KIFC3: variants seen among roughly 807,000 people sequenced by gnomAD.
KIFC3 encodes kinesin-like protein KIFC3.
In KIFC3, 60 loss-of-function variants were observed where a neutral mutation model predicts 101.8. The observed-to-expected ratio is 0.59, with a 90% CI of 0.48 to 0.73. The LOEUF (loss-of-function observed/expected upper bound fraction) is 0.73. Among genes scored for constraint, KIFC3 ranks in the 30% least tolerant of loss-of-function variants. The pLI is 0.00. For missense variants in KIFC3, 966 were observed against 1,137.1 expected (o/e 0.85, Z 2.16); for synonymous variants, 476 against 482.7 (o/e 0.99, Z 0.18).
intron 3 of KIFC3, chr16:57,774,947 C>T: frequency 5.3e-6 from 8 of 1,499,694 alleles, no homozygotes; most frequent in Non-Finnish European, 7.1e-6. Flanking sequence ...CCCAGAAAGG[C>T]TGCTGCCTCA....
intron 1 of KIFC3, among the ~76,000 whole-genome samples, chr16:57,858,504 G>A (rs1280122533): frequency 2.0e-5 from 3 of 152,152 alleles, no homozygotes; most frequent in Non-Finnish European, 2.9e-5. Context: ...TGCACCTCAT[G>A]ACAGTCAGTG....
intron 1 of KIFC3, among the ~76,000 whole-genome samples, chr16:57,829,455 A>C (rs1319879111): frequency 6.6e-6 from 1 of 151,972 alleles, no homozygotes; most frequent in African/African-American, 2.4e-5. Flanking sequence ...AGGTCTTGCT[A>C]TGTTGCCCAG....
rs782785523 is a variant in KIFC3 at position 57,771,218 on chromosome 16, C to T, written c.745G>A (p.Ala249Thr). ...CTCACCTTGACAGGTGGGGACTGGG[C>T]CCGCAGGCTGGCAATGGTCTCGTGG... ...DSHETIASLR[A>T]QSPPVKYVIK... is the part of the protein sequence containing the mutation. Residue 249 changes from alanine (A) to threonine (T), a missense_variant, in exon 6 of 20, where the codon GCC becomes ACC. Transcript: ENST00000445690. The T allele has an allele frequency of 1.7e-5, 27 of 1,612,738 alleles. No homozygotes were observed. Among genetic ancestry groups the T allele is most frequent in the Non-Finnish European group, 2.3e-5 (27 of 1,180,016 alleles).
intron 3 of KIFC3, chr16:57,777,004 T>C (rs1195402531): frequency 3.9e-5 from 6 of 152,204 alleles, no homozygotes; most frequent in African/African-American, 1.4e-4. Context: ...TTCAGCAAAG[T>C]TGAAGGATAC....
At chr16:57,810,066 G>A (rs547247277) in intron 1 of KIFC3, among the ~76,000 whole-genome samples, 4 of 152,196 alleles carry the variant, frequency 2.6e-5, no homozygotes, top group Admixed American at 6.5e-5. Context: ...TCAGTACCCC[G>A]CGGTCCAACA....
upstream of KIFC3, chr16:57,802,803 C>A: frequency 1.3e-6 from 1 of 779,392 alleles, no homozygotes; most frequent in South Asian, 1.6e-5. This position sits in a 1 kb window ranked among gnomAD's most constrained non-coding sequence, Gnocchi z 5.0. Context: ...ACGAGGCAGC[C>A]CACACAGCCC....
chr16:57,851,509 G>C (rs1297159419), intron 1 of KIFC3, among the ~76,000 whole-genome samples: 2 of 150,902 alleles, frequency 1.3e-5, no homozygotes, highest in Admixed American at 1.3e-4. Context: ...TTATTCAATA[G>C]CATTTCAAGA....
intron 9 of KIFC3, among the ~76,000 whole-genome samples, chr16:57,768,652 A>T (rs1023236873): frequency 2.0e-5 from 3 of 152,078 alleles, no homozygotes; most frequent in Non-Finnish European, 4.4e-5. Context: ...CCTGCTATGG[A>T]GTTTGACTTT....
intron 1 of KIFC3, chr16:57,815,580 C>A: frequency 7.8e-7 from 1 of 1,289,956 alleles, no homozygotes; most frequent in Non-Finnish European, 1.0e-6. Flanking sequence ...TCACCCTCAC[C>A]AGGGAGGCTG....
chr16:57,803,132 G>A, upstream of KIFC3: 1 of 1,120,980 alleles, frequency 8.9e-7, no homozygotes, highest in Non-Finnish European at 1.3e-6. Flanking sequence ...CCCAGCAAAT[G>A]AATATCTTCC....
At chr16:57,832,835 G>A (rs1230554244) in intron 1 of KIFC3, among the ~76,000 whole-genome samples, 4 of 152,074 alleles carry the variant, frequency 2.6e-5, no homozygotes, top group Non-Finnish European at 4.4e-5. Flanking sequence ...ACATCCCTAC[G>A]GATATTTAGG....
chr16:57,767,718 A>G (rs1297921728), intron 9 of KIFC3, among the ~76,000 whole-genome samples: 1 of 152,014 alleles, frequency 6.6e-6, no homozygotes, highest in Non-Finnish European at 1.5e-5. Context: ...TGTGGTGGAA[A>G]CTCATTGTGA....
chr16:57,847,110 G>A (rs2149321257), intron 1 of KIFC3, among the ~76,000 whole-genome samples: 1 of 151,634 alleles, frequency 6.6e-6, no homozygotes, highest in East Asian at 1.9e-4. Flanking sequence ...TCTTGAACAC[G>A]GGAGGCGGGG....
At chr16:57,799,833 G>A (rs1555624922) in intron 1 of KIFC3, among the ~76,000 whole-genome samples, 1 of 152,214 alleles carries the variant, frequency 6.6e-6, no homozygotes, top group Non-Finnish European at 1.5e-5. Flanking sequence ...GTGGGAAGGA[G>A]AGGTTGGTCA....
chr16:57,814,133 T>C (rs2055161181), intron 1 of KIFC3, among the ~76,000 whole-genome samples: 1 of 152,122 alleles, frequency 6.6e-6, no homozygotes, highest in Non-Finnish European at 1.5e-5. Flanking sequence ...GCAGCCGCCC[T>C]GCCCAGCCTT....
At chr16:57,828,388 G>T (rs746438086) in intron 1 of KIFC3, among the ~76,000 whole-genome samples, 5 of 152,246 alleles carry the variant, frequency 3.3e-5, no homozygotes, top group Non-Finnish European at 7.3e-5. Context: ...CTCTCTGGGT[G>T]CTGCACATGG....
intron 9 of KIFC3, 21 bp from the exon 10 acceptor site, chr16:57,767,006 C>T (rs2050564466): frequency 3.2e-6 from 5 of 1,567,306 alleles, no homozygotes; most frequent in Non-Finnish European, 4.4e-6. Context: ...GTGCACACCA[C>T]TGTCAGGGGG....
rs117043316 is a variant in KIFC3 at position 57,792,429 on chromosome 16, A to G, written c.315+2570T>C. On this transcript the variant is annotated intron_variant, in intron 3 of 19. Coordinates refer to ENST00000445690, the MANE Select transcript of KIFC3 (RefSeq NM_001130100.2). Reference sequence around the variant, plus strand: ...AAATAATCTGTTGAACAAATGCATTAATTAAAAATGGGCAGAGCTTGTACT... The same window carrying G: ...AAATAATCTGTTGAACAAATGCATTGATTAAAAATGGGCAGAGCTTGTACT... Among the ~76,000 whole-genome samples, 834 of 152,368 alleles carry G rather than the reference A, an allele frequency of 5.5e-3. 10 individuals are homozygous for G. Among genetic ancestry groups the G allele is most frequent in the South Asian group, 0.035 (168 of 4,830 alleles).
At chr16:57,776,940 T>C (rs1340113340) in intron 3 of KIFC3, 1 of 152,236 alleles carries the variant, frequency 6.6e-6, no homozygotes, top group Non-Finnish European at 1.5e-5. Context: ...TTAATTAAGA[T>C]TTGAATGTTG....
Sources: gnomAD v4.1 joint callset for allele counts (sites outside exome capture counted in the v4.1 genomes callset) on GRCh38, gnomAD v4.1.1 for gene constraint, Gnocchi (gnomAD v3.1) non-coding constraint, MANE v1.5 for transcripts, NCBI Gene and HGNC (gene_info 2026-07-23, HGNC 2026-07-21) for gene names.